PCYOX1L: variants seen among roughly 807,000 people sequenced by gnomAD.
The protein encoded by PCYOX1L is prenylcysteine oxidase 1 like.
In PCYOX1L, 40 loss-of-function variants were observed where a neutral mutation model predicts 44.1. The ratio of observed to expected loss-of-function variants is 0.91; its 90% confidence interval spans 0.70 to 1.18. PCYOX1L has a LOEUF of 1.18. Among genes scored for constraint, PCYOX1L ranks in the 50% most tolerant of loss-of-function variants. The pLI is 0.00. For synonymous variants in PCYOX1L, 266 were observed against 282.8 expected, an observed-to-expected ratio of 0.94 and a Z score of 0.60; for missense variants, 605 against 653.3, an observed-to-expected ratio of 0.93 and a Z score of 0.81.
intron 5 of PCYOX1L, among the ~76,000 whole-genome samples, 159 bp from the exon 6 acceptor site, chr5:149,367,834 G>GCAGC (rs1758269866): frequency 6.6e-6 from 1 of 152,130 alleles, no homozygotes; most frequent in African/African-American, 2.4e-5. Flanking sequence ...TGCTTCTTCT[G>GCAGC]CAGCCGCATC....
Position 149,368,884 on chromosome 5 carries a change from T to A in PCYOX1L, c.*230T>A. 1 of 393,126 alleles carries A rather than the reference T, an allele frequency of 2.5e-6. No homozygotes were observed. The highest frequency in any genetic ancestry group is 3.8e-5 in the East Asian group (1 of 26,478). The allele number at this position is 393,126 out of a possible 1,614,324, so 24.4% of individuals were successfully genotyped here. Reference sequence around the variant, plus strand: ...AGAGAAGGAAATCCAAGCCAGTATATTTGTTTTATTTATTTTTTTTAAGAA... The same window carrying A: ...AGAGAAGGAAATCCAAGCCAGTATAATTGTTTTATTTATTTTTTTTAAGAA... On this transcript the variant is annotated 3_prime_UTR_variant, in exon 6 of 6. Transcript: ENST00000274569.
At chr5:149,359,772 C>A (rs1250871626) in intron 1 of PCYOX1L, among the ~76,000 whole-genome samples, 1 of 152,236 alleles carries the variant, frequency 6.6e-6, no homozygotes, top group Non-Finnish European at 1.5e-5. Flanking sequence ...CCTCACTGCC[C>A]TTCAGCTTTC....
intron 1 of PCYOX1L, among the ~76,000 whole-genome samples, chr5:149,359,805 C>T (rs142448462): frequency 1.3e-4 from 20 of 152,330 alleles, no homozygotes; most frequent in African/African-American, 4.1e-4. Flanking sequence ...AGCCCTCTGA[C>T]GGGAGCCTCT....
At chr5:149,361,640 T>C (rs1561700114) in intron 1 of PCYOX1L, among the ~76,000 whole-genome samples, 1 of 152,208 alleles carries the variant, frequency 6.6e-6, no homozygotes, top group African/African-American at 2.4e-5. Flanking sequence ...CCAGTCTCTT[T>C]TTTTTGAGAT....
intron 5 of PCYOX1L, 21 bp downstream of exon 5, chr5:149,367,521 T>C (rs1364726176): frequency 1.2e-6 from 2 of 1,608,036 alleles, no homozygotes; most frequent in African/African-American, 1.3e-5. Flanking sequence ...AGGGCGGGAG[T>C]GGGCAGGCAT....
intron 1 of PCYOX1L, among the ~76,000 whole-genome samples, chr5:149,360,384 CTT>C (rs1039374843): frequency 1.3e-5 from 2 of 152,156 alleles, no homozygotes; most frequent in African/African-American, 4.8e-5. Context: ...ATTTGGGACT[CTT>C]TGCACATGGA....
At position 149,362,840 on chromosome 5, in the gene PCYOX1L, C is replaced by T; in HGVS notation, c.292C>T (p.Leu98=). The T allele has an allele frequency of 6.2e-7, 1 of 1,613,726 alleles. No individual in the cohort carries two copies. The highest frequency in any genetic ancestry group is 8.5e-7 in the Non-Finnish European group (1 of 1,180,044). ...GCACATGCAGGACTTCGTCAAGCTG[C>T]TGGGTGAGTGGTCAGTCCTGGGGCT... ...SLHMQDFVKL[L]GLRHRREVVG... is the part of the protein sequence containing the mutation. Residue 98 remains leucine (L), a synonymous_variant, in exon 2 of 6, where the codon CTG becomes TTG. Coordinates refer to ENST00000274569, the MANE Select transcript of PCYOX1L (RefSeq NM_024028.4).
In PCYOX1L at chr5:149,367,992, G is replaced by A. The variant is rs1561704269; in HGVS notation, c.824-1G>A. The stretch of plus-strand genomic sequence containing the variant: ...TGACTTTTGTGCTCTTTTCTTTCCA[G>A]AGGGGAAAGCCCTGTACCAGGTGGC... On this transcript the variant is annotated splice_acceptor_variant, in intron 5 of 5. Coordinates refer to ENST00000274569, the MANE Select transcript of PCYOX1L (RefSeq NM_024028.4). LOFTEE classifies it high-confidence loss of function. 1.3e-6 allele frequency: 2 copies of A among 1,522,744 alleles called. No individual in the cohort carries two copies. Among genetic ancestry groups the A allele is most frequent in the Non-Finnish European group, 8.8e-7 (1 of 1,137,618 alleles). 94.3% of individuals were successfully genotyped at this position (1,522,744 alleles called of 1,614,324 possible).
At chr5:149,361,421 T>C (rs1216293322) in intron 1 of PCYOX1L, among the ~76,000 whole-genome samples, 1 of 152,102 alleles carries the variant, frequency 6.6e-6, no homozygotes, top group African/African-American at 2.4e-5. Context: ...TAGCAGCACC[T>C]CCAAGCCCTG....
rs199751478 is a variant in PCYOX1L at position 149,364,150 on chromosome 5, A to G, written c.410A>G (p.Tyr137Cys). ...LLNLFRLWWHYGISFLRLQMW... is the reference protein window; with the variant it reads ...LLNLFRLWWHCGISFLRLQMW... ...AACCTCTTCCGCCTCTGGTGGCACT[A>G]TGGCATCAGCTTCCTGAGGCTGCAG... The change falls in exon 3 of 6, where the codon TAT becomes TGT. Residue 137 changes from tyrosine (Y) to cysteine (C), a missense_variant. By Grantham distance (194) the Tyr-to-Cys change is radical. Transcript: ENST00000274569. 1.2e-6 allele frequency: 2 copies of G among 1,614,016 alleles called. No homozygotes were observed. The highest frequency in any genetic ancestry group is 1.3e-5 in the African/African-American group (1 of 74,912).
chr5:149,366,673 A>G (rs772066531), intron 4 of PCYOX1L, among the ~76,000 whole-genome samples: 2 of 152,226 alleles, frequency 1.3e-5, no homozygotes, highest in Non-Finnish European at 2.9e-5. Flanking sequence ...CCTAAGTCAT[A>G]CTAGGCACTG....
chr5:149,360,188 A>G (rs571184860), intron 1 of PCYOX1L, among the ~76,000 whole-genome samples: 4 of 152,282 alleles, frequency 2.6e-5, no homozygotes, highest in South Asian at 4.1e-4. Context: ...TGCCCATTCC[A>G]TGCTGGGGTC....
In PCYOX1L at chr5:149,368,168, C is replaced by T. The variant is rs1346639393; in HGVS notation, c.999C>T (p.Val333=). Residue 333 remains valine, a synonymous_variant, in exon 6 of 6, where the codon GTC becomes GTT. Transcript: ENST00000274569. ...TGCAGGGCTCTTTCCAGCCCACCGT[C>T]GTCTCCTTGGTCCACGGCTACCTCA... ...DDVQGSFQPT[V]VSLVHGYLNS... 5 of 1,613,640 alleles carry T rather than the reference C, an allele frequency of 3.1e-6. No individual in the cohort carries two copies. Among genetic ancestry groups the T allele is most frequent in the African/African-American group, 1.3e-5 (1 of 75,010 alleles).
intron 1 of PCYOX1L, among the ~76,000 whole-genome samples, chr5:149,358,997 G>T (rs1023884981): frequency 6.6e-6 from 1 of 152,020 alleles, no homozygotes; most frequent in African/African-American, 2.4e-5. Context: ...CAGACATCAG[G>T]ACACCTCACT....
intron 1 of PCYOX1L, among the ~76,000 whole-genome samples, chr5:149,360,520 C>A (rs1455685865): frequency 2.0e-5 from 3 of 152,182 alleles, no homozygotes; most frequent in Admixed American, 6.5e-5. Flanking sequence ...ACTCTACTGT[C>A]CACCAGGATC....
At chr5:149,365,263 TC>T (rs1405025079) in intron 3 of PCYOX1L, 1 of 152,344 alleles carries the variant, frequency 6.6e-6, no homozygotes, top group Non-Finnish European at 1.5e-5. Flanking sequence ...CCTCTTCACT[TC>T]CAGACCCACA....
chr5:149,364,051 G>A lies in PCYOX1L; in HGVS notation c.311G>A (p.Arg104His), dbSNP rs35456382. The change falls in exon 3 of 6, where the codon CGC (arginine) becomes CAC (histidine). Residue 104 changes from arginine (R) to histidine (H), a missense_variant. Arg to His is a conservative substitution (Grantham distance 29). Coordinates refer to ENST00000274569, the MANE Select transcript of PCYOX1L (RefSeq NM_024028.4). ...FVKLLGLRHR[R>H]EVVGRSAIFG... ...GTCTCTGCAGGGCTGAGGCACCGGC[G>A]CGAGGTGGTGGGCAGGAGCGCCATC... is the stretch of plus-strand genomic sequence containing the variant. The A allele has an allele frequency of 1.9e-4, 313 of 1,613,988 alleles. 3 individuals carry two copies. In the African/African-American group the frequency reaches 3.6e-3, roughly 19 times the overall value.
At chr5:149,363,091 G>A (rs1367501815) in intron 2 of PCYOX1L, 7 of 646,082 alleles carry the variant, frequency 1.1e-5, no homozygotes, top group Middle Eastern at 2.5e-4. Context: ...TCAATTTGCT[G>A]CCTCTAAATA....
chr5:149,361,600 G>A (rs1305135151), intron 1 of PCYOX1L, among the ~76,000 whole-genome samples: 1 of 152,196 alleles, frequency 6.6e-6, no homozygotes, highest in Non-Finnish European at 1.5e-5. Flanking sequence ...TGTCCTGTAG[G>A]GTAATGAACA....
Sources: gnomAD v4.1 joint callset for allele counts (sites outside exome capture counted in the v4.1 genomes callset) on GRCh38, gnomAD v4.1.1 for gene constraint, MANE v1.5 for transcripts, NCBI Gene and HGNC (gene_info 2026-07-23, HGNC 2026-07-21) for gene names.